The following PPP1R9A variants were observed in gnomAD, a reference collection of about 807,000 sequenced individuals.
PPP1R9A encodes neurabin-1.
A neutral mutation model predicts 141.9 loss-of-function variants in PPP1R9A; 59 were observed. The ratio of observed to expected loss-of-function variants is 0.42; its 90% confidence interval spans 0.34 to 0.52. PPP1R9A has a LOEUF of 0.52. PPP1R9A is among the 20% of genes least tolerant of loss of function. The pLI is 0.10. For missense variants in PPP1R9A, 1,444 were observed against 1,611.9 expected (o/e 0.90, Z 1.78); for synonymous variants, 500 against 569.7 (o/e 0.88, Z 1.74).
intron 2 of PPP1R9A, among the ~76,000 whole-genome samples, chr7:94,996,123 G>T (rs1161554775): frequency 6.6e-6 from 1 of 151,830 alleles, no homozygotes; most frequent in South Asian, 2.1e-4. Flanking sequence ...GATATATCTT[G>T]GGGAAAAAAA....
At position 95,269,487 on chromosome 7, in the gene PPP1R9A, A is replaced by G; in HGVS notation, c.3104A>G (p.Lys1035Arg). ...ESPCHHQTTN[K>R]KILREKDDAK... ...CCTTGCCATCACCAAACCACCAACA[A>G]GAAAATATTACGAGAAAAAGGTATT... is the stretch of plus-strand genomic sequence containing the variant. Residue 1035 changes from lysine (K) to arginine (R), a missense_variant, in exon 14 of 20, where the codon AAG (lysine) becomes AGG (arginine). Physicochemically the swap from Lys to Arg is conservative, Grantham distance 26. Coordinates refer to ENST00000433360, the MANE Select transcript of PPP1R9A (RefSeq NM_001166160.2). 6.3e-7 allele frequency: 1 copy of G among 1,575,906 alleles called. No individual in the cohort carries two copies. The highest frequency in any genetic ancestry group is 8.6e-7 in the Non-Finnish European group (1 of 1,159,986).
chr7:95,043,969 G>T (rs1809623981), intron 2 of PPP1R9A, among the ~76,000 whole-genome samples: 1 of 152,140 alleles, frequency 6.6e-6, no homozygotes, highest in African/African-American at 2.4e-5. Flanking sequence ...ATTAATATCA[G>T]AAATAAGATT....
chr7:95,055,654 C>G (rs1811403346), intron 2 of PPP1R9A, among the ~76,000 whole-genome samples: 1 of 152,100 alleles, frequency 6.6e-6, no homozygotes, highest in African/African-American at 2.4e-5. Flanking sequence ...TAGCCTTTGA[C>G]TTTAGTCATG....
chr7:95,108,332 T>TTTTTTTTTTTTTTTTTTTTTC (rs1554509667), intron 2 of PPP1R9A, among the ~76,000 whole-genome samples: 1 of 139,968 alleles, frequency 7.1e-6, no homozygotes, highest in African/African-American at 2.8e-5. Flanking sequence ...TTTTTTTTTT[T>TTTTTTTTTTTTTTTTTTTTTC]TGAGACAGTC....
chr7:95,167,324 A>T (rs1831417226), intron 5 of PPP1R9A, among the ~76,000 whole-genome samples: 1 of 152,190 alleles, frequency 6.6e-6, no homozygotes, highest in Non-Finnish European at 1.5e-5. Context: ...TCCTCCCATG[A>T]CATGTGGGAA....
chr7:95,050,537 G>A (rs1810644712), intron 2 of PPP1R9A, among the ~76,000 whole-genome samples: 1 of 151,966 alleles, frequency 6.6e-6, no homozygotes, highest in Non-Finnish European at 1.5e-5. Flanking sequence ...AAACCAGCCT[G>A]ACCAATGTGG....
At chr7:95,002,766 G>A (rs1033366264) in intron 2 of PPP1R9A, among the ~76,000 whole-genome samples, 3 of 152,126 alleles carry the variant, frequency 2.0e-5, no homozygotes, top group Non-Finnish European at 4.4e-5. Flanking sequence ...CACAGTATAG[G>A]TGTCTAACTT....
intron 2 of PPP1R9A, among the ~76,000 whole-genome samples, chr7:95,063,698 A>G (rs926820050): frequency 4.2e-4 from 64 of 152,344 alleles, no homozygotes; most frequent in African/African-American, 1.4e-3. Context: ...GTGCACTTGT[A>G]CACTATAAAC....
chr7:95,236,679 T>C (rs1241476755), intron 8 of PPP1R9A, among the ~76,000 whole-genome samples: 3 of 151,722 alleles, frequency 2.0e-5, no homozygotes, highest in Non-Finnish European at 4.4e-5. Context: ...CCTAATTGTT[T>C]CTTCTTTGAT....
intron 5 of PPP1R9A, among the ~76,000 whole-genome samples, chr7:95,180,115 C>T (rs1833521077): frequency 6.6e-6 from 1 of 152,130 alleles, no homozygotes; most frequent in South Asian, 2.1e-4. Context: ...CATTACCTGA[C>T]TTCAAACTAT....
intron 2 of PPP1R9A, among the ~76,000 whole-genome samples, chr7:95,041,303 A>G (rs552296254): frequency 9.8e-5 from 15 of 152,300 alleles, no homozygotes; most frequent in Non-Finnish European, 2.9e-5. Context: ...ATCTGCAGAG[A>G]CTGTCATGCA....
At chr7:95,066,261 A>T (rs1193154574) in intron 2 of PPP1R9A, among the ~76,000 whole-genome samples, 1 of 152,220 alleles carries the variant, frequency 6.6e-6, no homozygotes, top group Admixed American at 6.5e-5. Context: ...AGGCCTCAGA[A>T]GAAACCTACC....
chr7:95,048,773 C>T (rs574521132), intron 2 of PPP1R9A, among the ~76,000 whole-genome samples: 21 of 152,156 alleles, frequency 1.4e-4, no homozygotes, highest in African/African-American at 5.1e-4. Context: ...TCTCAAACTC[C>T]TGACCTTGTG....
chr7:94,937,159 T>C (rs1794862343), intron 2 of PPP1R9A, among the ~76,000 whole-genome samples: 1 of 152,154 alleles, frequency 6.6e-6, no homozygotes, highest in African/African-American at 2.4e-5. Flanking sequence ...TTGATATATT[T>C]TGTGTACATG....
chr7:95,141,516 T>C (rs983108979), intron 4 of PPP1R9A, among the ~76,000 whole-genome samples: 4 of 152,064 alleles, frequency 2.6e-5, no homozygotes, highest in African/African-American at 4.8e-5. Context: ...CACTTTCCTT[T>C]CCCCCCAGCT....
intron 2 of PPP1R9A, among the ~76,000 whole-genome samples, chr7:94,923,986 A>G (rs1244263582): frequency 6.6e-6 from 1 of 152,184 alleles, no homozygotes. Context: ...CTTAAACCTT[A>G]CTACAATATG....
intron 2 of PPP1R9A, among the ~76,000 whole-genome samples, chr7:95,108,511 C>T (rs535680751): frequency 4.6e-5 from 7 of 151,452 alleles, no homozygotes; most frequent in South Asian, 2.1e-4. Flanking sequence ...GGGGTTTCAC[C>T]GTGTTAGCGA....
At chr7:94,930,558 C>G (rs1794032322) in intron 2 of PPP1R9A, among the ~76,000 whole-genome samples, 1 of 152,126 alleles carries the variant, frequency 6.6e-6, no homozygotes, top group Non-Finnish European at 1.5e-5. Context: ...AGGCCAGTCT[C>G]CAACTCCTGA....
intron 2 of PPP1R9A, among the ~76,000 whole-genome samples, chr7:94,927,940 T>G (rs760556452): frequency 6.6e-6 from 1 of 152,164 alleles, no homozygotes; most frequent in Non-Finnish European, 1.5e-5. Flanking sequence ...TTTTTGAGAA[T>G]GAAAGGGGAT....
Sources: gnomAD v4.1 joint callset for allele counts (sites outside exome capture counted in the v4.1 genomes callset) on GRCh38, gnomAD v4.1.1 for gene constraint, MANE v1.5 for transcripts, NCBI Gene and HGNC (gene_info 2026-07-23, HGNC 2026-07-21) for gene names.